The following PRKCE variants were observed in gnomAD, a reference collection of about 807,000 sequenced individuals.
PRKCE encodes protein kinase C epsilon type.
A neutral mutation model predicts 85.4 loss-of-function variants in PRKCE; 16 were observed. The ratio of observed to expected loss-of-function variants is 0.19; its 90% confidence interval spans 0.13 to 0.28. The LOEUF is 0.28. PRKCE is among the 10% of genes least tolerant of loss of function. The pLI is 1.00. For synonymous variants in PRKCE, 388 were observed against 371.5 expected (o/e 1.04, Z -0.51); for missense variants, 573 against 975.2 (o/e 0.59, Z 5.49).
chr2:45,959,972 A>C (rs1701268034), intron 2 of PRKCE, among the ~76,000 whole-genome samples: 1 of 152,084 alleles, frequency 6.6e-6, no homozygotes, highest in Admixed American at 6.6e-5. Flanking sequence ...TTCTTGTCAG[A>C]CCCCATATAC....
chr2:45,764,886 A>T (rs1022673993), intron 1 of PRKCE, among the ~76,000 whole-genome samples: 1 of 152,198 alleles, frequency 6.6e-6, no homozygotes, highest in East Asian at 1.9e-4. Context: ...TCTTGTTCTT[A>T]TGTCTCACAC....
intron 2 of PRKCE, among the ~76,000 whole-genome samples, chr2:45,933,081 T>G (rs1699160225): frequency 6.6e-6 from 1 of 152,236 alleles, no homozygotes; most frequent in Non-Finnish European, 1.5e-5. Context: ...GCATTGCTCT[T>G]GAGTGCCTTT....
chr2:46,133,370 A>T (rs891152479), intron 11 of PRKCE, among the ~76,000 whole-genome samples: 1 of 151,998 alleles, frequency 6.6e-6, no homozygotes, highest in African/African-American at 2.4e-5. Context: ...CTGGTTTTAG[A>T]ACTTGCCATC....
chr2:46,140,890 G>A (rs1052576698), intron 11 of PRKCE, among the ~76,000 whole-genome samples: 2 of 152,066 alleles, frequency 1.3e-5, no homozygotes, highest in Admixed American at 6.6e-5. Flanking sequence ...AAAAAATACA[G>A]ATCTCTTTTG....
intron 2 of PRKCE, among the ~76,000 whole-genome samples, chr2:45,970,088 T>C (rs1251955465): frequency 1.3e-5 from 2 of 152,244 alleles, no homozygotes; most frequent in African/African-American, 4.8e-5. Context: ...TCAAAGGATG[T>C]GAATCTCTTT....
chr2:45,980,264 T>C (rs1290092472), intron 4 of PRKCE, 32 bp from the exon 5 acceptor site: 2 of 1,594,726 alleles, frequency 1.3e-6, no homozygotes, highest in East Asian at 4.5e-5. Flanking sequence ...TTCCTGAGTG[T>C]CATTCAGCCT....
chr2:45,699,063 C>T (rs1453789817), intron 1 of PRKCE, among the ~76,000 whole-genome samples: 1 of 152,068 alleles, frequency 6.6e-6, no homozygotes, highest in Non-Finnish European at 1.5e-5. Context: ...TTAATAGACG[C>T]CTTATACCTC....
intron 9 of PRKCE, among the ~76,000 whole-genome samples, chr2:46,009,405 G>A (rs1192046101): frequency 6.6e-6 from 1 of 152,118 alleles, no homozygotes; most frequent in African/African-American, 2.4e-5. Context: ...TAATTTACAC[G>A]AAAAGAAATA....
At chr2:45,864,958 G>A (rs1400424446) in intron 2 of PRKCE, among the ~76,000 whole-genome samples, 1 of 152,176 alleles carries the variant, frequency 6.6e-6, no homozygotes, top group African/African-American at 2.4e-5. Context: ...CTGGCGTTCT[G>A]GGGTGAAGCC....
At chr2:45,973,806 G>A (rs1702259477) in intron 2 of PRKCE, among the ~76,000 whole-genome samples, 1 of 152,148 alleles carries the variant, frequency 6.6e-6, no homozygotes. Context: ...CTCTTAGGAA[G>A]GACTGTAACC....
intron 1 of PRKCE, among the ~76,000 whole-genome samples, chr2:45,794,765 C>T (rs1432293617): frequency 6.6e-6 from 1 of 151,966 alleles, no homozygotes; most frequent in Non-Finnish European, 1.5e-5. Flanking sequence ...CTTCTAATTA[C>T]TTGAAGTATT....
intron 1 of PRKCE, among the ~76,000 whole-genome samples, chr2:45,842,066 C>G (rs1691396325): frequency 1.7e-5 from 1 of 59,984 alleles, no homozygotes; most frequent in South Asian, 6.6e-4. Flanking sequence ...TCCAGAGTTA[C>G]TACTCTCTTA....
At chr2:45,872,264 T>G (rs1694154420) in intron 2 of PRKCE, among the ~76,000 whole-genome samples, 1 of 152,078 alleles carries the variant, frequency 6.6e-6, no homozygotes, top group African/African-American at 2.4e-5. Flanking sequence ...AACATCACGT[T>G]GGGCAGAGAA....
chr2:46,007,611 C>A lies in PRKCE; in HGVS notation c.1213C>A (p.Leu405Met), dbSNP rs1705317604. The change falls in exon 9 of 15, where the codon CTG becomes ATG. Residue 405 changes from leucine (L) to methionine (M), a missense_variant. By Grantham distance (15) the Leu-to-Met change is conservative. Around this residue, in one of 11 missense-constraint regions of PRKCE, gnomAD observed 117 missense variants for 104.8 expected, o/e 1.12. Transcript: ENST00000306156. Reference sequence around the variant, plus strand: ...GCAAGGCCAGGCCAAGCGCCTGGGCCTGGATGAGTTCAACTTCATCAAGGT... The same window carrying A: ...GCAAGGCCAGGCCAAGCGCCTGGGCATGGATGAGTTCAACTTCATCAAGGT... ...VRQGQAKRLG[L>M]DEFNFIKVLG... 1 of 1,599,794 alleles carries A rather than the reference C, an allele frequency of 6.3e-7. No homozygotes were observed. The highest frequency in any genetic ancestry group is 8.5e-7 in the Non-Finnish European group (1 of 1,179,970).
Position 46,077,306 on chromosome 2 carries a change from T to C in PRKCE, c.1438-8902T>C, listed in dbSNP as rs552198736. On this transcript the variant is annotated intron_variant, in intron 10 of 14. Transcript: ENST00000306156. ...TGATGGTTTCATGGGTGTATACTCA[T>C]CTCCAAGCTTATCAAGTTGTATACA... Among the ~76,000 whole-genome samples, 550 of 152,182 alleles carry C rather than the reference T, an allele frequency of 3.6e-3. 5 individuals carry two copies. Among genetic ancestry groups the C allele is most frequent in the African/African-American group, 0.013 (523 of 41,504 alleles).
At chr2:45,845,750 C>T (rs944398603) in intron 2 of PRKCE, 4 of 152,196 alleles carry the variant, frequency 2.6e-5, no homozygotes, top group African/African-American at 7.2e-5. Flanking sequence ...TAAAATTCCA[C>T]TGCTTGCATG....
chr2:46,109,912 G>C (rs926634966), intron 11 of PRKCE, among the ~76,000 whole-genome samples: 16 of 151,928 alleles, frequency 1.1e-4, no homozygotes, highest in Admixed American at 1.0e-3. Flanking sequence ...ATAATGAATG[G>C]GTATTGGATT....
Position 46,021,485 on chromosome 2 carries a change from G to A in PRKCE, c.1437+10968G>A, listed in dbSNP as rs377653973. Among the ~76,000 whole-genome samples, 27 of 152,230 alleles carry A rather than the reference G, an allele frequency of 1.8e-4. No homozygotes were observed. The East Asian group carries it at 4.1e-3, about 23-fold the overall frequency. ...GCAGGAAGCACTGACGTGGCCATTC[G>A]CTTTCCCCTTTGCATCTGCAAAGGC... On this transcript the variant is annotated intron_variant, in intron 10 of 14. Transcript: ENST00000306156.
At chr2:45,955,290 C>T (rs761906428) in intron 2 of PRKCE, among the ~76,000 whole-genome samples, 1 of 152,056 alleles carries the variant, frequency 6.6e-6, no homozygotes, top group Admixed American at 6.6e-5. Flanking sequence ...GGAAGGAGAA[C>T]TGGTATAATG....
Sources: gnomAD v4.1 joint callset for allele counts (sites outside exome capture counted in the v4.1 genomes callset) on GRCh38, gnomAD v4.1.1 for gene constraint, gnomAD v4.1.1 regional missense constraint, MANE v1.5 for transcripts, NCBI Gene and HGNC (gene_info 2026-07-23, HGNC 2026-07-21) for gene names.